ADAMTS3: variants seen among roughly 807,000 people sequenced by gnomAD.
ADAMTS3 encodes the protein ADAM metallopeptidase with thrombospondin type 1 motif 3.
ADAMTS3 carries 73 observed loss-of-function variants against 129.0 expected under a neutral mutation model. The ratio of observed to expected loss-of-function variants is 0.57; its 90% CI spans 0.47 to 0.69. ADAMTS3 has a LOEUF of 0.69. ADAMTS3 is among the 30% of genes least tolerant of loss of function. ADAMTS3 has a pLI of 0.00. For missense variants in ADAMTS3, 1,457 were observed against 1,514.5 expected, an observed-to-expected ratio of 0.96 and a Z score of 0.63; for synonymous variants, 477 against 510.8, an observed-to-expected ratio of 0.93 and a Z score of 0.89.
At chr4:72,355,713 GCTTGGTCTTACA>G (rs1720565461) in intron 4 of ADAMTS3, among the ~76,000 whole-genome samples, 1 of 151,970 alleles carries the variant, frequency 6.6e-6, no homozygotes, top group Admixed American at 6.6e-5. Context: ...GGTGTTGGTT[GCTTGGTCTTACA>G]CTTTTCCCAG....
intron 4 of ADAMTS3, among the ~76,000 whole-genome samples, chr4:72,360,269 C>T (rs560191789): frequency 1.3e-5 from 2 of 152,098 alleles, no homozygotes; most frequent in Non-Finnish European, 2.9e-5. Flanking sequence ...CTGACAGGGG[C>T]AGTGTAGTCA....
intron 3 of ADAMTS3, among the ~76,000 whole-genome samples, chr4:72,504,701 C>A (rs1454194247): frequency 2.0e-5 from 3 of 151,966 alleles, no homozygotes; most frequent in Non-Finnish European, 2.9e-5. Flanking sequence ...TCAGAAACAC[C>A]AATAATTTGT....
At chr4:72,457,003 A>G (rs1718641111) in intron 3 of ADAMTS3, among the ~76,000 whole-genome samples, 1 of 151,730 alleles carries the variant, frequency 6.6e-6, no homozygotes, top group African/African-American at 2.4e-5. Context: ...AAGTCACCCA[A>G]AATATAAGTA....
In ADAMTS3 at chr4:72,298,540, G is replaced by A. The variant is rs549673218; in HGVS notation, c.2425-98C>T. The A allele has an allele frequency of 4.7e-5, 45 of 962,434 alleles. No individual in the cohort carries two copies. In the Middle Eastern group the frequency reaches 1.2e-3, roughly 26 times the overall value. 59.6% of individuals were successfully genotyped at this position (962,434 alleles called of 1,614,324 possible). A position where few individuals can be genotyped will look rare whatever the true frequency, so the allele number is the denominator to read the frequency against. On this transcript the variant is annotated intron_variant, in intron 17 of 21. Coordinates refer to ENST00000286657, the MANE Select transcript of ADAMTS3 (RefSeq NM_014243.3). ...TCAGAATATTGCTCTTATTAAAACT[G>A]AAAACTTTCAAATAGTTTCAAAAAT...
chr4:72,484,103 C>G (rs1449846509), intron 3 of ADAMTS3, among the ~76,000 whole-genome samples: 1 of 152,130 alleles, frequency 6.6e-6, no homozygotes, highest in Non-Finnish European at 1.5e-5. Context: ...CTGGCTCCCT[C>G]CCTCAATCCC....
chr4:72,476,572 T>G (rs1719239611), intron 3 of ADAMTS3, among the ~76,000 whole-genome samples: 1 of 152,048 alleles, frequency 6.6e-6, no homozygotes, highest in Non-Finnish European at 1.5e-5. Context: ...CTATACAATT[T>G]CTTCCAGAAA....
chr4:72,388,127 C>T (rs1401211232), intron 4 of ADAMTS3, among the ~76,000 whole-genome samples: 1 of 152,216 alleles, frequency 6.6e-6, no homozygotes, highest in Non-Finnish European at 1.5e-5. Context: ...ACCATAAATG[C>T]TGATGTGACA....
intron 3 of ADAMTS3, among the ~76,000 whole-genome samples, chr4:72,540,249 G>A (rs1285956594): frequency 6.6e-6 from 1 of 152,198 alleles, no homozygotes; most frequent in Admixed American, 6.5e-5. Flanking sequence ...TTTCAGCAAA[G>A]AGACTGGCAG....
At chr4:72,500,127 T>A (rs796201623) in intron 3 of ADAMTS3, among the ~76,000 whole-genome samples, 5 of 152,238 alleles carry the variant, frequency 3.3e-5, no homozygotes, top group African/African-American at 1.2e-4. Context: ...TTTATTTTCT[T>A]TTGGATATAT....
chr4:72,369,843 C>T (rs1216978256), intron 4 of ADAMTS3, among the ~76,000 whole-genome samples: 1 of 151,000 alleles, frequency 6.6e-6, no homozygotes, highest in Non-Finnish European at 1.5e-5. Context: ...TAGCGTTTAA[C>T]TGACATTCTT....
chr4:72,557,700 G>A (rs559873576), intron 2 of ADAMTS3, among the ~76,000 whole-genome samples: 2 of 151,590 alleles, frequency 1.3e-5, no homozygotes, highest in East Asian at 3.9e-4. Flanking sequence ...AGCCATTTAG[G>A]AAAGAACAAC....
intron 4 of ADAMTS3, among the ~76,000 whole-genome samples, chr4:72,363,511 T>A (rs1720781462): frequency 6.6e-6 from 1 of 152,124 alleles, no homozygotes; most frequent in South Asian, 2.1e-4. Flanking sequence ...CCAGTGAAAT[T>A]TTTTTGCAAT....
At chr4:72,404,368 T>C (rs531255960) in intron 4 of ADAMTS3, among the ~76,000 whole-genome samples, 97 of 152,050 alleles carry the variant, frequency 6.4e-4, no homozygotes, top group Admixed American at 1.1e-3. Context: ...CCCACACATA[T>C]ATGGTCAAAT....
intron 3 of ADAMTS3, among the ~76,000 whole-genome samples, chr4:72,496,028 G>T (rs1278542580): frequency 6.6e-6 from 1 of 152,120 alleles, no homozygotes; most frequent in Non-Finnish European, 1.5e-5. Context: ...TATAATGGGA[G>T]AGCTTTTTTA....
At chr4:72,368,865 C>T (rs1386901186) in intron 4 of ADAMTS3, among the ~76,000 whole-genome samples, 2 of 152,188 alleles carry the variant, frequency 1.3e-5, no homozygotes, top group Non-Finnish European at 2.9e-5. Flanking sequence ...TTTAGAACAT[C>T]ACTATAACAA....
chr4:72,355,944 T>C (rs1219316452), intron 4 of ADAMTS3, among the ~76,000 whole-genome samples: 3 of 151,946 alleles, frequency 2.0e-5, no homozygotes, highest in Non-Finnish European at 1.5e-5. Context: ...CCATGGACAC[T>C]CCATGATACT....
chr4:72,521,918 G>A (rs968560351), intron 3 of ADAMTS3, among the ~76,000 whole-genome samples: 1 of 152,060 alleles, frequency 6.6e-6, no homozygotes, highest in Non-Finnish European at 1.5e-5. Context: ...TTAGATCACT[G>A]GAATAAGATC....
intron 15 of ADAMTS3, among the ~76,000 whole-genome samples, chr4:72,308,602 A>G (rs1461640365): frequency 6.6e-6 from 1 of 152,028 alleles, no homozygotes; most frequent in Non-Finnish European, 1.5e-5. Flanking sequence ...CATTTGCCAA[A>G]TAAATCCTTA....
intron 3 of ADAMTS3, among the ~76,000 whole-genome samples, chr4:72,456,089 T>A (rs370567343): frequency 0.22 from 1,710 of 7,646 alleles, 56 homozygotes; most frequent in Middle Eastern, 0.5. Flanking sequence ...CTATATATAT[T>A]TTATATATAT....
Sources: allele counts gnomAD v4.1 joint callset (sites outside exome capture counted in the v4.1 genomes callset), GRCh38; gene constraint gnomAD v4.1.1; transcripts MANE v1.5; gene names NCBI Gene and HGNC (gene_info 2026-07-23, HGNC 2026-07-21).